RMDN2: variants seen among roughly 807,000 people sequenced by gnomAD.
RMDN2 encodes the protein regulator of microtubule dynamics 2.
RMDN2 carries 61 observed loss-of-function variants against 52.8 expected under a neutral mutation model. The ratio of observed to expected loss-of-function variants is 1.16; its 90% CI spans 0.94 to 1.43. The LOEUF (loss-of-function observed/expected upper bound fraction) is 1.43, where lower values mean the gene tolerates loss of function less well. Among genes scored for constraint, RMDN2 ranks in the 40% most tolerant of loss-of-function variants. RMDN2 has a pLI of 0.00. For synonymous variants in RMDN2, 180 were observed against 153.1 expected (o/e 1.18, Z -1.30); for missense variants, 592 against 475.3 (o/e 1.25, Z -2.28).
intron 1 of RMDN2, among the ~76,000 whole-genome samples, chr2:37,927,347 T>TTA (rs1666377373): frequency 6.6e-6 from 1 of 152,208 alleles, no homozygotes; most frequent in South Asian, 2.1e-4. Flanking sequence ...GTAAGTGACT[T>TTA]GACACCTGTG....
rs1672145538 is a variant in RMDN2, at chr2:37,974,076, T to G, written c.489T>G (p.Ser163Arg). Residue 163 changes from serine to arginine, a missense_variant, in exon 3 of 11, where the codon AGT becomes AGG. Ser to Arg is a moderately radical substitution (Grantham distance 110). Transcript: ENST00000354545. ...CTAATACTGACACAGAAGAACAGAG[T>G]TTTCCAGTCCCTAAGGCATTTAACA... is the stretch of plus-strand genomic sequence containing the variant. Reference protein sequence around the residue: ...ITANTDTEEQSFPVPKAFNTR... With the variant: ...ITANTDTEEQRFPVPKAFNTR... The G allele has an allele frequency of 3.1e-6, 5 of 1,611,482 alleles. No individual in the cohort carries two copies. The Admixed American group carries it at 8.4e-5, about 27-fold the overall frequency.
At position 37,952,444 on chromosome 2, in the gene RMDN2, T is replaced by A. The variant is rs890452893; in HGVS notation, c.453-21596T>A. ...ATTTTGTTTCAAGCTTTTTTCAGAT[T>A]TACTGCTTAAAGATGGGCTAATCTC... On this transcript the variant is annotated intron_variant, in intron 2 of 10. Transcript: ENST00000354545. The A allele has an allele frequency of 1.0e-5, 5 of 499,608 alleles. No homozygotes were observed. In the East Asian group the frequency reaches 1.2e-4, roughly 12 times the overall value. 30.9% of individuals were successfully genotyped at this position (499,608 alleles called of 1,614,324 possible).
intron 6 of RMDN2, 90 bp downstream of exon 6, chr2:37,989,706 A>G: frequency 4.7e-6 from 4 of 848,396 alleles, no homozygotes; most frequent in Non-Finnish European, 7.4e-6. Flanking sequence ...ATGTAGCCAT[A>G]TGTTCCATCA....
intron 5 of RMDN2, among the ~76,000 whole-genome samples, 195 bp from the exon 6 acceptor site, chr2:37,989,346 C>G (rs1450833873): frequency 6.6e-6 from 1 of 151,750 alleles, no homozygotes; most frequent in African/African-American, 2.4e-5. Context: ...TGTTAGTATC[C>G]CCAGTTATAG....
rs1279810711 is a variant in RMDN2, at chr2:37,975,260, G to T, written c.676G>T (p.Asp226Tyr). 1 of 1,611,344 alleles carries T rather than the reference G, an allele frequency of 6.2e-7. No homozygotes were observed. The highest frequency in any genetic ancestry group is 1.7e-4 in the Middle Eastern group (1 of 6,054). ...GTGGCGATTTGCTCGTGCTTATGGAGACATGTATGAACTATCTACAAACAC... is the reference window on the plus strand; with the variant it reads ...GTGGCGATTTGCTCGTGCTTATGGATACATGTATGAACTATCTACAAACAC... ...FMWRFARAYG[D>Y]MYELSTNTQE... Residue 226 changes from aspartate to tyrosine, a missense_variant, in exon 4 of 11, where the codon GAC becomes TAC. Coordinates refer to ENST00000354545, the MANE Select transcript of RMDN2 (RefSeq NM_001170791.3).
chr2:38,017,952 C>G (rs1679027215), downstream of RMDN2, among the ~76,000 whole-genome samples: 1 of 149,962 alleles, frequency 6.7e-6, no homozygotes, highest in African/African-American at 2.5e-5. Flanking sequence ...GTGGGGGTAA[C>G]AAGGTGCTCA....
intron 2 of RMDN2, among the ~76,000 whole-genome samples, chr2:37,939,906 GA>G: frequency 6.6e-6 from 1 of 152,290 alleles, no homozygotes; most frequent in Non-Finnish European, 1.5e-5. Flanking sequence ...TGTTATGTGT[GA>G]ATTTGATCCT....
rs71414270 is a variant in RMDN2, at chr2:38,039,047, TACACAC to T, written c.1714-27893_1714-27888del. Among the ~76,000 whole-genome samples, 275 of 127,378 alleles carry T rather than the reference TACACAC, an allele frequency of 2.2e-3. 1 individual carries two copies. Among genetic ancestry groups the T allele is most frequent in the African/African-American group, 5.0e-3 (176 of 34,880 alleles). The allele number at this position is 127,378 out of a possible 152,430, so 83.6% of individuals were successfully genotyped here. A position where few individuals can be genotyped will look rare whatever the true frequency, so the allele number is the denominator to read the frequency against. On this transcript the variant is annotated intron_variant, in intron 10 of 10. Transcript: ENST00000234195. ...GCAACAGTTTAAAAGCCAGATGCTA[TACACAC>T]ACACACACACACACACACACACACA...
chr2:37,947,781 T>C (rs1668341981), intron 2 of RMDN2, among the ~76,000 whole-genome samples: 1 of 152,244 alleles, frequency 6.6e-6, no homozygotes, highest in African/African-American at 2.4e-5. Flanking sequence ...TTGAATAATG[T>C]AGAAAAACTT....
In RMDN2 at chr2:37,952,110, G is replaced by A. The variant is rs78372189; in HGVS notation, c.453-21930G>A. On this transcript the variant is annotated intron_variant, in intron 2 of 10. Transcript: ENST00000354545. ...TGGTTGCTTTATCCCACCTCAAAGC[G>A]AATTAACTTCAGGCCTGTTTGAAGA... The A allele has an allele frequency of 3.8e-4, 617 of 1,613,032 alleles. 2 individuals carry two copies. The African/African-American group carries it at 6.8e-3, about 18-fold the overall frequency.
intron 10 of RMDN2, among the ~76,000 whole-genome samples, chr2:38,013,943 A>G (rs1678364338): frequency 6.6e-6 from 1 of 152,178 alleles, no homozygotes; most frequent in Admixed American, 6.5e-5. Context: ...GTCGTGGCTC[A>G]CGCCTGTAAT....
At chr2:38,039,114 C>G (rs1680798662) in intron 10 of RMDN2, among the ~76,000 whole-genome samples, 1 of 148,036 alleles carries the variant, frequency 6.8e-6, no homozygotes, top group African/African-American at 2.5e-5. Flanking sequence ...ATAAAATGTT[C>G]ATGGATTAAG....
In RMDN2 at chr2:37,959,510, AT is replaced by A. The variant is rs1218840285; in HGVS notation, c.453-14524del. On this transcript the variant is annotated intron_variant, in intron 2 of 10. Coordinates refer to ENST00000354545, the MANE Select transcript of RMDN2 (RefSeq NM_001170791.3). Reference sequence around the variant, plus strand: ...GATCAGTGGTAATATCCCTTTTATCATTTTTTATTGTGTCTATTTGATTCTT... The same window carrying A: ...GATCAGTGGTAATATCCCTTTTATCATTTTTATTGTGTCTATTTGATTCTT... Among the ~76,000 whole-genome samples the A allele has an allele frequency of 9.3e-5, 14 of 150,800 alleles. 1 individual carries two copies. Among genetic ancestry groups the A allele is most frequent in the African/African-American group, 3.2e-4 (13 of 40,220 alleles).
chr2:37,968,494 T>TG (rs2125050485), intron 2 of RMDN2, among the ~76,000 whole-genome samples: 1 of 150,628 alleles, frequency 6.6e-6, no homozygotes, highest in South Asian at 2.1e-4. Context: ...GATGTTTTCA[T>TG]GGGGAAATGA....
intron 10 of RMDN2, among the ~76,000 whole-genome samples, chr2:38,007,205 T>A (rs894920171): frequency 4.6e-5 from 7 of 152,218 alleles, no homozygotes; most frequent in African/African-American, 1.7e-4. Context: ...GGTATCAGGA[T>A]GATGCTGGCC....
chr2:38,013,197 T>A (rs1678248837), intron 10 of RMDN2, among the ~76,000 whole-genome samples: 1 of 152,242 alleles, frequency 6.6e-6, no homozygotes, highest in African/African-American at 2.4e-5. Context: ...AATGAAATAA[T>A]GACTTCACTG....
intron 4 of RMDN2, 84 bp from the exon 5 acceptor site, chr2:37,981,199 C>G: frequency 2.3e-6 from 2 of 876,646 alleles, no homozygotes; most frequent in South Asian, 2.7e-5. Flanking sequence ...TGGGACCATA[C>G]TTTGTGAACC....
chr2:37,963,035 G>A (rs1161417034), intron 2 of RMDN2: 4 of 153,058 alleles, frequency 2.6e-5, no homozygotes, highest in African/African-American at 9.7e-5. Context: ...TGCACCCACT[G>A]TCTAACCAGT....
intron 10 of RMDN2, among the ~76,000 whole-genome samples, chr2:38,034,011 C>G (rs1467028853): frequency 1.3e-5 from 2 of 152,174 alleles, no homozygotes; most frequent in Non-Finnish European, 2.9e-5. Flanking sequence ...GTTTATCCCC[C>G]CAGCTAGCTT....
Sources: gnomAD v4.1 joint callset for allele counts (sites outside exome capture counted in the v4.1 genomes callset) on GRCh38, gnomAD v4.1.1 for gene constraint, MANE v1.5 for transcripts, NCBI Gene and HGNC (gene_info 2026-07-23, HGNC 2026-07-21) for gene names.